Variants in MEIS1 observed in about 807,000 individuals in gnomAD.
The protein encoded by MEIS1 is Meis homeobox 1.
A neutral mutation model predicts 50.8 loss-of-function variants in MEIS1; 5 were observed. That is an observed-to-expected ratio of 0.10 (90% confidence interval 0.05 to 0.21). The LOEUF (loss-of-function observed/expected upper bound fraction) is 0.21, where lower values mean the gene tolerates loss of function less well. Among genes scored for constraint, MEIS1 ranks in the 10% least tolerant of loss-of-function variants. The pLI is 1.00. For synonymous variants in MEIS1, 176 were observed against 179.3 expected, an observed-to-expected ratio of 0.98 and a Z score of 0.15; for missense variants, 318 against 517.3, an observed-to-expected ratio of 0.61 and a Z score of 3.74.
At position 66,439,135 on chromosome 2, in the gene MEIS1, C is replaced by G. The variant is rs933143715; in HGVS notation, c.240-708C>G. On this transcript the variant is annotated intron_variant, in intron 2 of 12. Coordinates refer to ENST00000272369, the MANE Select transcript of MEIS1 (RefSeq NM_002398.3). ...TGAGACAAGCGACATCTAGGCCCCTCGCAATACTAGCTGCTTTGCCACTTC... is the reference window on the plus strand; with the variant it reads ...TGAGACAAGCGACATCTAGGCCCCTGGCAATACTAGCTGCTTTGCCACTTC... The G allele has an allele frequency of 3.7e-5, 8 of 214,998 alleles. No homozygotes were observed. The South Asian group carries it at 1.2e-3, about 32-fold the overall frequency. 13.3% of individuals were successfully genotyped at this position (214,998 alleles called of 1,614,324 possible). A position where few individuals can be genotyped will look rare whatever the true frequency, so the allele number is the denominator to read the frequency against.
At chr2:66,469,199 A>G (rs996309165) in intron 7 of MEIS1, among the ~76,000 whole-genome samples, 3 of 152,048 alleles carry the variant, frequency 2.0e-5, no homozygotes, top group African/African-American at 4.8e-5. Context: ...CTTAAAAAAA[A>G]AAAAGCAAAA....
chr2:66,474,687 A>G (rs1477765970), intron 7 of MEIS1, among the ~76,000 whole-genome samples: 1 of 152,144 alleles, frequency 6.6e-6, no homozygotes, highest in African/African-American at 2.4e-5. Context: ...AGTCTTGCAT[A>G]TAGTTTTCCA....
At chr2:66,504,915 T>C (rs900516754) in intron 7 of MEIS1, among the ~76,000 whole-genome samples, 1 of 152,208 alleles carries the variant, frequency 6.6e-6, no homozygotes, top group African/African-American at 2.4e-5. Context: ...TGTTTTCCTT[T>C]GATTAACTGG....
chr2:66,545,627 T>C (rs1674771829), intron 8 of MEIS1, among the ~76,000 whole-genome samples: 1 of 152,198 alleles, frequency 6.6e-6, no homozygotes, highest in African/African-American at 2.4e-5. Context: ...CAAGCTGTAA[T>C]TCAGCATTCT....
intron 8 of MEIS1, among the ~76,000 whole-genome samples, 161 bp from the exon 9 acceptor site, chr2:66,547,782 G>A (rs1310429677): frequency 6.6e-6 from 1 of 152,154 alleles, no homozygotes; most frequent in Non-Finnish European, 1.5e-5. Flanking sequence ...TAATTGGCTT[G>A]TCTTTTACTG....
intron 8 of MEIS1, among the ~76,000 whole-genome samples, chr2:66,544,278 A>G (rs1181295379): frequency 4.6e-5 from 7 of 151,950 alleles, no homozygotes; most frequent in Admixed American, 6.6e-5. Flanking sequence ...TTTTAAGTCT[A>G]TAAAAGAATA....
At chr2:66,559,403 A>G (rs1248242345) in intron 9 of MEIS1, among the ~76,000 whole-genome samples, 1 of 152,212 alleles carries the variant, frequency 6.6e-6, no homozygotes, top group Non-Finnish European at 1.5e-5. Context: ...ATGACAAATT[A>G]TCTGCTCATC....
At chr2:66,547,806 G>A (rs1020087075) in intron 8 of MEIS1, 137 bp from the exon 9 acceptor site, 6 of 721,608 alleles carry the variant, frequency 8.3e-6, no homozygotes, top group African/African-American at 3.6e-5. Flanking sequence ...TTAATTAGAT[G>A]ATGTAGTATT....
Position 66,495,204 on chromosome 2 carries a change from T to A in MEIS1, c.743-16945T>A, listed in dbSNP as rs1326932306. On this transcript the variant is annotated intron_variant, in intron 7 of 12. Coordinates refer to ENST00000272369, the MANE Select transcript of MEIS1 (RefSeq NM_002398.3). Reference sequence around the variant, plus strand: ...TTGGTTTTCATCCAAACTAGTCACATTTCATACTTTTAAAGTTTTTAGGCT... The same window carrying A: ...TTGGTTTTCATCCAAACTAGTCACAATTCATACTTTTAAAGTTTTTAGGCT... Among the ~76,000 whole-genome samples the A allele has an allele frequency of 2.0e-5, 3 of 151,562 alleles. 1 individual carries two copies. The highest frequency in any genetic ancestry group is 4.4e-5 in the Non-Finnish European group (3 of 67,944).
chr2:66,510,513 G>T (rs1478936526), intron 7 of MEIS1, among the ~76,000 whole-genome samples: 1 of 152,148 alleles, frequency 6.6e-6, no homozygotes, highest in African/African-American at 2.4e-5. Context: ...GAAACAGATA[G>T]ATTTTAAATA....
chr2:66,477,955 A>C (rs1313720633), intron 7 of MEIS1, among the ~76,000 whole-genome samples: 2 of 152,192 alleles, frequency 1.3e-5, no homozygotes, highest in Admixed American at 1.3e-4. Flanking sequence ...TTTTTGCCAG[A>C]ATGTTAAAGA....
chr2:66,500,288 C>G (rs1480453484), intron 7 of MEIS1, among the ~76,000 whole-genome samples: 1 of 152,158 alleles, frequency 6.6e-6, no homozygotes, highest in African/African-American at 2.4e-5. Context: ...TACCCCACCT[C>G]CCAAACTGAT....
At chr2:66,440,250 TCA>T (rs1365703390) in intron 3 of MEIS1, 25 of 590,594 alleles carry the variant, frequency 4.2e-5, no homozygotes, top group Non-Finnish European at 6.9e-5. Flanking sequence ...CGTGGAGAGC[TCA>T]CTCTGCAGAA....
At chr2:66,446,185 G>A (rs559635247) in intron 6 of MEIS1, among the ~76,000 whole-genome samples, 126 of 152,318 alleles carry the variant, frequency 8.3e-4, no homozygotes, top group South Asian at 5.2e-3. Context: ...AGAACGATGC[G>A]GGTTCGACCG....
At chr2:66,515,106 T>C (rs12713568) in intron 8 of MEIS1, among the ~76,000 whole-genome samples, 77,607 of 152,002 alleles carry the variant, frequency 0.51, 21,166 homozygotes, top group African/African-American at 0.71. Context: ...ATGTGATTAA[T>C]GCAACTTATC....
chr2:66,545,646 G>C (rs1310722254), intron 8 of MEIS1, among the ~76,000 whole-genome samples: 4 of 152,136 alleles, frequency 2.6e-5, no homozygotes, highest in African/African-American at 9.7e-5. Flanking sequence ...CTATCCATGG[G>C]ATAAGAAATT....
Position 66,435,125 on chromosome 2 carries a change from A to T in MEIS1, c.-732A>T, listed in dbSNP as rs1266077003. The T allele has an allele frequency of 6.6e-6, 1 of 152,548 alleles. No individual in the cohort carries two copies. The highest frequency in any genetic ancestry group is 6.5e-5 in the Admixed American group (1 of 15,286). 9.4% of individuals were successfully genotyped at this position (152,548 alleles called of 1,614,324 possible). ...GCCACCACTACTTCCGGGTTCTAGC[A>T]TTCTGGTCGGAATCCACCTCTCCGC... is the stretch of plus-strand genomic sequence containing the variant. On this transcript the variant is annotated 5_prime_UTR_variant, in exon 1 of 13. Coordinates refer to ENST00000272369, the MANE Select transcript of MEIS1 (RefSeq NM_002398.3).
At chr2:66,504,655 T>A (rs1224925871) in intron 7 of MEIS1, among the ~76,000 whole-genome samples, 1 of 152,200 alleles carries the variant, frequency 6.6e-6, no homozygotes, top group African/African-American at 2.4e-5. Context: ...TTGTTATAAG[T>A]GCCAATAATA....
chr2:66,537,999 G>A (rs1674561649), intron 8 of MEIS1, among the ~76,000 whole-genome samples: 1 of 152,154 alleles, frequency 6.6e-6, no homozygotes, highest in South Asian at 2.1e-4. Flanking sequence ...TTGGGGAAAA[G>A]CCTCCATGTT....
Sources: allele counts gnomAD v4.1 joint callset (sites outside exome capture counted in the v4.1 genomes callset), GRCh38; gene constraint gnomAD v4.1.1; transcripts MANE v1.5; gene names NCBI Gene and HGNC (gene_info 2026-07-23, HGNC 2026-07-21).